OSBPL9: variants seen among roughly 807,000 people sequenced by gnomAD.
OSBPL9 encodes the protein oxysterol-binding protein-related protein 9.
Under a neutral mutation model 106.6 loss-of-function variants are expected in OSBPL9, and 40 were observed. The observed-to-expected ratio is 0.38, with a 90% CI of 0.29 to 0.49. The LOEUF (loss-of-function observed/expected upper bound fraction) is 0.49, where lower values mean the gene tolerates loss of function less well. Ranked by LOEUF, OSBPL9 falls within the 20% of genes least tolerant of loss-of-function variation. The pLI, the probability that OSBPL9 is intolerant of heterozygous loss-of-function variation, is 0.97. For missense variants in OSBPL9, 609 were observed against 887.2 expected, an observed-to-expected ratio of 0.69 and a Z score of 3.98; for synonymous variants, 269 against 295.4, an observed-to-expected ratio of 0.91 and a Z score of 0.92.
At chr1:51,711,229 C>T (rs1659739886) in intron 3 of OSBPL9, among the ~76,000 whole-genome samples, 1 of 151,420 alleles carries the variant, frequency 6.6e-6, no homozygotes, top group Non-Finnish European at 1.5e-5. Context: ...GGGCACACCT[C>T]CCAGACGGGG....
At chr1:51,704,383 C>T (rs1026680762) in intron 3 of OSBPL9, among the ~76,000 whole-genome samples, 2 of 152,082 alleles carry the variant, frequency 1.3e-5, no homozygotes, top group Admixed American at 6.5e-5. Context: ...GTGTATGTGT[C>T]GAGGAATTTA....
chr1:51,762,696 G>C (rs957663307), intron 11 of OSBPL9, among the ~76,000 whole-genome samples: 6 of 152,118 alleles, frequency 3.9e-5, no homozygotes, highest in South Asian at 2.1e-4. Flanking sequence ...TATTTTTATT[G>C]TTTTTGTTTA....
At chr1:51,582,200 T>C (rs1202336325) in intron 1 of OSBPL9, among the ~76,000 whole-genome samples, 3 of 152,220 alleles carry the variant, frequency 2.0e-5, no homozygotes, top group South Asian at 4.1e-4. Flanking sequence ...GGAATTATAA[T>C]TGTTAACTGA....
rs192278285 is a variant in OSBPL9 at position 51,700,963 on chromosome 1, G to T, written c.242-13040G>T. ...ATTGTAATTTTTTTTTTTTGAGATGGAGTCTCCCTGTTGTCACCTGGACTG... is the reference window on the plus strand; with the variant it reads ...ATTGTAATTTTTTTTTTTTGAGATGTAGTCTCCCTGTTGTCACCTGGACTG... On this transcript the variant is annotated intron_variant, in intron 3 of 23. Transcript: ENST00000428468. Among the ~76,000 whole-genome samples the T allele has an allele frequency of 4.1e-3, 617 of 151,396 alleles. 7 individuals carry two copies. Among genetic ancestry groups the T allele is most frequent in the Non-Finnish European group, 3.7e-3 (250 of 67,870 alleles).
intron 1 of OSBPL9, among the ~76,000 whole-genome samples, chr1:51,591,164 C>T (rs1419642304): frequency 1.3e-5 from 2 of 151,984 alleles, no homozygotes; most frequent in Non-Finnish European, 2.9e-5. Context: ...GTGATCTGCC[C>T]ACCTCGGCCT....
At chr1:51,663,018 A>C (rs1163506953) in intron 2 of OSBPL9, among the ~76,000 whole-genome samples, 1 of 152,154 alleles carries the variant, frequency 6.6e-6, no homozygotes, top group Non-Finnish European at 1.5e-5. Flanking sequence ...TACTGGGATT[A>C]CAGGCATGAG....
Position 51,787,785 on chromosome 1 carries a change from A to T in OSBPL9, c.2207A>T (p.His736Leu). The change falls in exon 24 of 24, where the codon CAT (histidine) becomes CTT (leucine). Residue 736 changes from histidine to leucine, a missense_variant. His to Leu is a moderately conservative substitution (Grantham distance 99, BLOSUM62 -3). Coordinates refer to ENST00000428468, the MANE Select transcript of OSBPL9 (RefSeq NM_024586.6). ...PLLKRLGAAKH is the reference protein window; with the variant it reads ...PLLKRLGAAKL Reference sequence around the variant, plus strand: ...CTGAAACGTCTTGGTGCTGCCAAGCATTAGGTTGGAAGATGCAAAGTTTAT... The same window carrying T: ...CTGAAACGTCTTGGTGCTGCCAAGCTTTAGGTTGGAAGATGCAAAGTTTAT... The T allele has an allele frequency of 6.2e-7, 1 of 1,611,794 alleles. No homozygotes were observed. Among genetic ancestry groups the T allele is most frequent in the South Asian group, 1.1e-5 (1 of 91,006 alleles).
At chr1:51,703,168 A>G (rs1167024007) in intron 3 of OSBPL9, among the ~76,000 whole-genome samples, 10 of 152,128 alleles carry the variant, frequency 6.6e-5, no homozygotes, top group African/African-American at 2.4e-4. Flanking sequence ...GTTTTTTCCA[A>G]TTCTGTGAAG....
intron 4 of OSBPL9, among the ~76,000 whole-genome samples, chr1:51,741,825 A>C (rs1432215354): frequency 6.6e-6 from 1 of 152,120 alleles, no homozygotes; most frequent in East Asian, 1.9e-4. Flanking sequence ...TTAAACTTTA[A>C]ATGAATTCAT....
intron 4 of OSBPL9, among the ~76,000 whole-genome samples, chr1:51,718,474 A>G (rs1056801266): frequency 3.3e-5 from 5 of 152,186 alleles, no homozygotes; most frequent in African/African-American, 7.2e-5. Flanking sequence ...TATACCTACT[A>G]TGTACCCACA....
At chr1:51,628,249 A>G (rs1644888323) in intron 1 of OSBPL9, among the ~76,000 whole-genome samples, 1 of 152,226 alleles carries the variant, frequency 6.6e-6, no homozygotes, top group Admixed American at 6.5e-5. Flanking sequence ...TACTTTATAT[A>G]AATGGAATCA....
chr1:51,557,681 G>C, the OSBPL9 span, among the ~76,000 whole-genome samples: 1 of 152,216 alleles, frequency 6.6e-6, no homozygotes, highest in South Asian at 2.1e-4. Flanking sequence ...GCACTTGTTA[G>C]AGATGGGCCC....
chr1:51,717,003 CAG>C (rs751486970), intron 4 of OSBPL9, among the ~76,000 whole-genome samples: 2 of 150,838 alleles, frequency 1.3e-5, no homozygotes, highest in Non-Finnish European at 3.0e-5. Flanking sequence ...TTTTTTTTGA[CAG>C]AGTCTCACTC....
the OSBPL9 span, among the ~76,000 whole-genome samples, chr1:51,547,456 C>CT: frequency 6.6e-6 from 1 of 152,090 alleles, no homozygotes. Flanking sequence ...CAAAAATTCA[C>CT]TTTTTATAAG....
intron 3 of OSBPL9, among the ~76,000 whole-genome samples, chr1:51,713,771 T>A (rs1660550061): frequency 6.6e-6 from 1 of 152,238 alleles, no homozygotes; most frequent in Non-Finnish European, 1.5e-5. Context: ...AAGGTTGGTC[T>A]GAACTATGTA....
intron 2 of OSBPL9, among the ~76,000 whole-genome samples, chr1:51,662,104 CA>C (rs2148734841): frequency 6.6e-6 from 1 of 152,216 alleles, no homozygotes; most frequent in African/African-American, 2.4e-5. Context: ...GAAGAAGAAC[CA>C]TTGGTGTGGT....
rs759055893 is a variant in OSBPL9, at chr1:51,785,007, C to T, written c.1829+425C>T. On this transcript the variant is annotated intron_variant, in intron 20 of 23. Transcript: ENST00000428468. ...TGCTGGGGAAAAACAGTAACCATCACATTTTGCACGCATCTGGCTTGCTTC... is the reference window on the plus strand; with the variant it reads ...TGCTGGGGAAAAACAGTAACCATCATATTTTGCACGCATCTGGCTTGCTTC... 26 of 192,708 alleles carry T rather than the reference C, an allele frequency of 1.3e-4. 1 individual carries two copies. The highest frequency in any genetic ancestry group is 2.4e-4 in the Non-Finnish European group (23 of 93,946). 11.9% of individuals were successfully genotyped at this position (192,708 alleles called of 1,614,324 possible).
chr1:51,762,171 T>C (rs1671658693), intron 11 of OSBPL9, among the ~76,000 whole-genome samples, 200 bp downstream of exon 11: 1 of 152,214 alleles, frequency 6.6e-6, no homozygotes, highest in Non-Finnish European at 1.5e-5. Context: ...TAAGTTTTAT[T>C]TATTTTTAAG....
the OSBPL9 span, among the ~76,000 whole-genome samples, chr1:51,541,248 A>C: frequency 1.3e-5 from 2 of 152,176 alleles, no homozygotes; most frequent in African/African-American, 2.4e-5. Context: ...GTTCAGAGCC[A>C]AACACAGTTT....
Sources: gnomAD v4.1 joint callset for allele counts (sites outside exome capture counted in the v4.1 genomes callset) on GRCh38, gnomAD v4.1.1 for gene constraint, MANE v1.5 for transcripts, NCBI Gene and HGNC (gene_info 2026-07-23, HGNC 2026-07-21) for gene names.